The following KCNH7 variants were observed in gnomAD, a reference collection of about 807,000 sequenced individuals.
The protein encoded by KCNH7 is voltage-gated inwardly rectifying potassium channel KCNH7.
KCNH7 carries 49 observed loss-of-function variants against 120.8 expected under a neutral mutation model. The ratio of observed to expected loss-of-function variants is 0.41; its 90% CI spans 0.32 to 0.51. KCNH7 has a LOEUF of 0.51. KCNH7 is among the 20% of genes least tolerant of loss of function. The pLI is 0.38. For missense variants in KCNH7, 1,097 were observed against 1,446.6 expected, an observed-to-expected ratio of 0.76 and a Z score of 3.92; for synonymous variants, 547 against 516.1, an observed-to-expected ratio of 1.06 and a Z score of -0.81.
At chr2:162,651,097 C>A (rs1684549575) in intron 2 of KCNH7, among the ~76,000 whole-genome samples, 1 of 152,074 alleles carries the variant, frequency 6.6e-6, no homozygotes, top group Non-Finnish European at 1.5e-5. Flanking sequence ...GTATACTGAC[C>A]ATTTTTTATT....
chr2:162,443,532 T>C (rs1346837551), intron 7 of KCNH7, among the ~76,000 whole-genome samples: 2 of 152,228 alleles, frequency 1.3e-5, no homozygotes, highest in Admixed American at 6.5e-5. Context: ...CTTTTTCTCC[T>C]ACTCTTCCAT....
At chr2:162,692,518 C>A (rs1295799904) in intron 2 of KCNH7, among the ~76,000 whole-genome samples, 1 of 152,028 alleles carries the variant, frequency 6.6e-6, no homozygotes, top group East Asian at 1.9e-4. Context: ...AGACAGTATA[C>A]TAAATTTGAA....
chr2:162,512,506 C>T, intron 5 of KCNH7, 148 bp downstream of exon 5: 1 of 576,514 alleles, frequency 1.7e-6, no homozygotes, highest in East Asian at 2.8e-5. Flanking sequence ...GTAGCAAAAT[C>T]AAGCCATGAT....
chr2:162,658,767 C>T (rs2105273589), intron 2 of KCNH7, among the ~76,000 whole-genome samples: 1 of 151,936 alleles, frequency 6.6e-6, no homozygotes, highest in East Asian at 1.9e-4. Flanking sequence ...TTTCAAATTC[C>T]AATCATTTAT....
At position 162,432,533 on chromosome 2, in the gene KCNH7, G is replaced by C. The variant is rs563567853; in HGVS notation, c.1954+2665C>G. ...TTGACATTTAAAAATCAACGATCAG[G>C]ATCTATTTTCAACTTTCTATGCATT... On this transcript the variant is annotated intron_variant, in intron 8 of 15. Coordinates refer to ENST00000332142, the MANE Select transcript of KCNH7 (RefSeq NM_033272.4). 7.6e-4 allele frequency among the ~76,000 whole-genome samples: 116 copies of C among 152,000 alleles called. 1 individual carries two copies. The highest frequency in any genetic ancestry group is 2.5e-3 in the African/African-American group (105 of 41,514).
chr2:162,804,841 A>T (rs564379373), intron 2 of KCNH7, among the ~76,000 whole-genome samples: 1 of 152,130 alleles, frequency 6.6e-6, no homozygotes, highest in South Asian at 2.1e-4. Flanking sequence ...TCATTACTGG[A>T]CTTCAAGTTA....
At chr2:162,799,001 A>G (rs1684245803) in intron 2 of KCNH7, among the ~76,000 whole-genome samples, 1 of 152,028 alleles carries the variant, frequency 6.6e-6, no homozygotes, top group Non-Finnish European at 1.5e-5. Flanking sequence ...ACACTTCTAG[A>G]CAAACTCTAA....
At chr2:162,707,677 T>A (rs1686763063) in intron 2 of KCNH7, among the ~76,000 whole-genome samples, 1 of 152,120 alleles carries the variant, frequency 6.6e-6, no homozygotes, top group South Asian at 2.1e-4. Flanking sequence ...TAAATAGCTC[T>A]GATATAAAGA....
intron 2 of KCNH7, among the ~76,000 whole-genome samples, chr2:162,788,382 T>TA (rs1171244623): frequency 1.3e-5 from 2 of 151,754 alleles, no homozygotes; most frequent in Admixed American, 6.6e-5. Flanking sequence ...AGGAGAACAA[T>TA]AAAAAACAAA....
intron 6 of KCNH7, among the ~76,000 whole-genome samples, chr2:162,451,681 GTCTC>G (rs893477910): frequency 1.5e-4 from 23 of 152,058 alleles, no homozygotes; most frequent in African/African-American, 5.5e-4. Context: ...GAGTGGCTGG[GTCTC>G]TCTCTATATA....
intron 6 of KCNH7, among the ~76,000 whole-genome samples, chr2:162,493,607 C>T (rs751584486): frequency 3.3e-5 from 5 of 152,150 alleles, no homozygotes; most frequent in East Asian, 1.9e-4. Context: ...GAATTAACCA[C>T]GTCACTAACT....
chr2:162,540,624 T>C (rs1692271869), intron 2 of KCNH7, among the ~76,000 whole-genome samples: 1 of 151,992 alleles, frequency 6.6e-6, no homozygotes, highest in East Asian at 1.9e-4. Context: ...GGGCTGTGTA[T>C]GGTTGTTGTG....
intron 2 of KCNH7, among the ~76,000 whole-genome samples, chr2:162,657,118 G>T (rs867566040): frequency 1.2e-4 from 18 of 152,124 alleles, no homozygotes; most frequent in African/African-American, 4.3e-4. Context: ...CACCAGATTG[G>T]TACATTTGTT....
At chr2:162,560,966 G>C (rs1433020035) in intron 2 of KCNH7, among the ~76,000 whole-genome samples, 1 of 152,046 alleles carries the variant, frequency 6.6e-6, no homozygotes, top group South Asian at 2.1e-4. Context: ...TGTCCACAAG[G>C]GTGTCTGATG....
chr2:162,461,970 TA>T, intron 6 of KCNH7, among the ~76,000 whole-genome samples: 1 of 152,264 alleles, frequency 6.6e-6, no homozygotes, highest in Admixed American at 6.5e-5. Flanking sequence ...AGTCAGTATT[TA>T]TGGAGTCTCT....
intron 2 of KCNH7, among the ~76,000 whole-genome samples, chr2:162,749,045 T>C (rs1159053370): frequency 6.8e-6 from 1 of 146,302 alleles, no homozygotes; most frequent in African/African-American, 2.5e-5. Context: ...TTCCTGAGAA[T>C]TTTTCTGAAG....
chr2:162,525,831 G>T (rs1418635658), intron 3 of KCNH7, among the ~76,000 whole-genome samples: 1 of 151,814 alleles, frequency 6.6e-6, no homozygotes, highest in Non-Finnish European at 1.5e-5. Context: ...TCCCTGATTG[G>T]GTGTTGCTAG....
chr2:162,589,788 G>C (rs1694146464), intron 2 of KCNH7, among the ~76,000 whole-genome samples: 1 of 151,940 alleles, frequency 6.6e-6, no homozygotes, highest in Non-Finnish European at 1.5e-5. Context: ...TTTATACTTG[G>C]GTGGCTTCTA....
chr2:162,564,776 G>A (rs969012118), intron 2 of KCNH7, among the ~76,000 whole-genome samples: 3 of 152,052 alleles, frequency 2.0e-5, no homozygotes, highest in Non-Finnish European at 4.4e-5. Flanking sequence ...TTCATTAAAG[G>A]CTAGATCCGC....
Sources: allele counts gnomAD v4.1 joint callset (sites outside exome capture counted in the v4.1 genomes callset), GRCh38; gene constraint gnomAD v4.1.1; transcripts MANE v1.5; gene names NCBI Gene and HGNC (gene_info 2026-07-23, HGNC 2026-07-21).